Variants in MTA3 observed in about 807,000 individuals in gnomAD.
MTA3 encodes the protein metastasis associated 1 family member 3, also known as metastasis-associated protein MTA3.
Under a neutral mutation model 83.5 loss-of-function variants are expected in MTA3, and 34 were observed. That is an observed-to-expected ratio of 0.41 (90% confidence interval 0.31 to 0.54). The LOEUF is 0.54. Among genes scored for constraint, MTA3 ranks in the 20% least tolerant of loss-of-function variants. MTA3 has a pLI of 0.33. For synonymous variants in MTA3, 303 were observed against 252.7 expected (o/e 1.20, Z -1.89); for missense variants, 761 against 726.4 (o/e 1.05, Z -0.55).
At chr2:42,604,526 T>G (rs901655862) in intron 3 of MTA3, among the ~76,000 whole-genome samples, 1 of 152,152 alleles carries the variant, frequency 6.6e-6, no homozygotes, top group Non-Finnish European at 1.5e-5. Flanking sequence ...CTGCTGAATT[T>G]AGTGTTGCTC....
intron 14 of MTA3, among the ~76,000 whole-genome samples, chr2:42,715,406 CTTT>C (rs35673744): frequency 0.49 from 50,302 of 102,896 alleles, 8,365 homozygotes; most frequent in South Asian, 0.67. Flanking sequence ...CCACCAACTA[CTTT>C]TTTTTTTTTT....
At chr2:42,650,665 G>A (rs770275210) in intron 6 of MTA3, among the ~76,000 whole-genome samples, 17 of 152,028 alleles carry the variant, frequency 1.1e-4, no homozygotes, top group Non-Finnish European at 1.9e-4. Context: ...TCCTGACGTC[G>A]TGATCTGCCC....
chr2:42,630,756 A>G (rs1346417908), intron 4 of MTA3, among the ~76,000 whole-genome samples: 1 of 152,166 alleles, frequency 6.6e-6, no homozygotes, highest in Non-Finnish European at 1.5e-5. Flanking sequence ...TAGCTGCAAA[A>G]TTATACCAAG....
At position 42,656,293 on chromosome 2, in the gene MTA3, T is replaced by C; in HGVS notation, c.593T>C (p.Val198Ala). Residue 198 changes from valine to alanine, a missense_variant, in exon 7 of 17, where the codon GTT becomes GCT. Coordinates refer to ENST00000405094, the MANE Select transcript of MTA3 (RefSeq NM_001330442.2). ...LTDRQIDQFL[V>A]VARAVGTFAR... is the part of the protein sequence containing the mutation. The stretch of plus-strand genomic sequence containing the variant: ...GATCGACAGATTGACCAGTTTTTAG[T>C]TGTAGCACGGTGAGTATGAGTATGG... The C allele has an allele frequency of 6.2e-7, 1 of 1,612,346 alleles. No homozygotes were observed. Among genetic ancestry groups the C allele is most frequent in the Non-Finnish European group, 8.5e-7 (1 of 1,178,532 alleles).
intron 4 of MTA3, among the ~76,000 whole-genome samples, chr2:42,632,321 ACCT>A (rs1686761682): frequency 6.6e-6 from 1 of 151,364 alleles, no homozygotes; most frequent in East Asian, 2.0e-4. Flanking sequence ...TGATCTCCTG[ACCT>A]CATGATCCGC....
intron 9 of MTA3, among the ~76,000 whole-genome samples, chr2:42,695,151 A>G (rs900930817): frequency 1.3e-5 from 2 of 152,086 alleles, no homozygotes; most frequent in African/African-American, 4.8e-5. Flanking sequence ...AAGAAATGTT[A>G]TCAGTTATGA....
At chr2:42,540,457 C>A (rs1572949762) in intron 2 of MTA3, among the ~76,000 whole-genome samples, 1 of 151,870 alleles carries the variant, frequency 6.6e-6, no homozygotes, top group Non-Finnish European at 1.5e-5. Context: ...TAGACATAAG[C>A]CACAATACCC....
intron 2 of MTA3, among the ~76,000 whole-genome samples, chr2:42,525,967 T>A (rs1359743376): frequency 4.6e-5 from 7 of 151,906 alleles, no homozygotes; most frequent in South Asian, 2.1e-4. Context: ...CCCTAGCACT[T>A]CAGTTTCAAC....
At chr2:42,607,546 G>A (rs564297679) in intron 3 of MTA3, among the ~76,000 whole-genome samples, 2 of 152,138 alleles carry the variant, frequency 1.3e-5, no homozygotes, top group African/African-American at 4.8e-5. Flanking sequence ...TGTATTTTTT[G>A]TAGAGATGTT....
intron 16 of MTA3, among the ~76,000 whole-genome samples, chr2:42,737,978 T>C (rs1487142075): frequency 6.6e-6 from 1 of 152,186 alleles, no homozygotes; most frequent in East Asian, 1.9e-4. Flanking sequence ...TAAAGTTATG[T>C]TGGCTGGGAG....
chr2:42,753,618 T>C lies in MTA3; in HGVS notation c.*219T>C. The stretch of plus-strand genomic sequence containing the variant: ...GGATCAGCAGCACCTCGCTTTCTTG[T>C]CAGAGACCTCGCTGTTACGGAGCGA... On this transcript the variant is annotated 3_prime_UTR_variant, in exon 17 of 17. Coordinates refer to ENST00000405094, the MANE Select transcript of MTA3 (RefSeq NM_001330442.2). The C allele has an allele frequency of 7.3e-7, 1 of 1,364,186 alleles. No homozygotes were observed. Among genetic ancestry groups the C allele is most frequent in the Non-Finnish European group, 9.5e-7 (1 of 1,057,316 alleles). The allele number at this position is 1,364,186 out of a possible 1,614,324, so 84.5% of individuals were successfully genotyped here.
intron 4 of MTA3, among the ~76,000 whole-genome samples, chr2:42,636,990 A>G (rs376539606): frequency 2.0e-4 from 31 of 152,232 alleles, no homozygotes; most frequent in African/African-American, 6.3e-4. Flanking sequence ...CTGTATGCAC[A>G]TTTTTACGTT....
At chr2:42,500,305 G>C (rs1182621797) in intron 2 of MTA3, among the ~76,000 whole-genome samples, 1 of 151,794 alleles carries the variant, frequency 6.6e-6, no homozygotes, top group Admixed American at 6.6e-5. Flanking sequence ...AGGCTAAGGC[G>C]GGAGAATCTC....
At chr2:42,657,086 GTATA>G (rs1336364326) in intron 7 of MTA3, among the ~76,000 whole-genome samples, 1 of 152,126 alleles carries the variant, frequency 6.6e-6, no homozygotes, top group Non-Finnish European at 1.5e-5. Flanking sequence ...TGATCTAGGA[GTATA>G]TATAGGGAAC....
chr2:42,553,696 T>C (rs1387725661), intron 2 of MTA3, among the ~76,000 whole-genome samples: 1 of 149,326 alleles, frequency 6.7e-6, no homozygotes, highest in Non-Finnish European at 1.5e-5. Flanking sequence ...GATCACGCCA[T>C]TGCCCTCCAG....
At position 42,753,636 on chromosome 2, in the gene MTA3, C is replaced by T. The variant is rs530297098; in HGVS notation, c.*237C>T. On this transcript the variant is annotated 3_prime_UTR_variant, in exon 17 of 17. Coordinates refer to ENST00000405094, the MANE Select transcript of MTA3 (RefSeq NM_001330442.2). ...TTTCTTGTCAGAGACCTCGCTGTTACGGAGCGAGACCTGCTGAGAATTGAG... is the reference window on the plus strand; with the variant it reads ...TTTCTTGTCAGAGACCTCGCTGTTATGGAGCGAGACCTGCTGAGAATTGAG... 4.1e-4 allele frequency: 550 copies of T among 1,336,912 alleles called. No homozygotes were observed. The highest frequency in any genetic ancestry group is 6.0e-4 in the East Asian group (19 of 31,456). 82.8% of individuals were successfully genotyped at this position (1,336,912 alleles called of 1,614,324 possible).
At chr2:42,594,724 ATATATT>A (rs1272971696) in intron 3 of MTA3, among the ~76,000 whole-genome samples, 1 of 31,270 alleles carries the variant, frequency 3.2e-5, no homozygotes, top group Non-Finnish European at 4.9e-5. Context: ...ATATATATAT[ATATATT>A]TTTTTTTTTT....
In MTA3 at chr2:42,755,048, G is replaced by A. The variant is rs1426112076; in HGVS notation, c.*1649G>A. ...GGTGGGGCCTGTGTCAGAAGCATTT[G>A]GTGAGAGGGGTGGAGGTGGCAGGCA... On this transcript the variant is annotated 3_prime_UTR_variant, in exon 17 of 17. Coordinates refer to ENST00000405094, the MANE Select transcript of MTA3 (RefSeq NM_001330442.2). The A allele has an allele frequency of 3.0e-6, 3 of 985,504 alleles. No individual in the cohort carries two copies. Among genetic ancestry groups the A allele is most frequent in the Non-Finnish European group, 3.6e-6 (3 of 830,128 alleles). 61.0% of individuals were successfully genotyped at this position (985,504 alleles called of 1,614,324 possible). A position where few individuals can be genotyped will look rare whatever the true frequency, so the allele number is the denominator to read the frequency against.
At chr2:42,712,258 G>A (rs963006539) in intron 14 of MTA3, among the ~76,000 whole-genome samples, 1 of 152,124 alleles carries the variant, frequency 6.6e-6, no homozygotes, top group African/African-American at 2.4e-5. Flanking sequence ...GGAGGGTGAG[G>A]GAAAGGGGTG....
Sources: allele counts gnomAD v4.1 joint callset (sites outside exome capture counted in the v4.1 genomes callset), GRCh38; gene constraint gnomAD v4.1.1; transcripts MANE v1.5; gene names NCBI Gene and HGNC (gene_info 2026-07-23, HGNC 2026-07-21).